The following ATP6V1H variants were observed in gnomAD, a reference collection of about 807,000 sequenced individuals.
ATP6V1H encodes ATPase H+ transporting V1 subunit H.
ATP6V1H carries 39 observed loss-of-function variants against 71.7 expected under a neutral mutation model. That is an observed-to-expected ratio of 0.54 (90% CI 0.42 to 0.71). The LOEUF (loss-of-function observed/expected upper bound fraction) is 0.71. ATP6V1H is among the 30% of genes least tolerant of loss of function. The pLI is 0.00. For missense variants in ATP6V1H, 509 were observed against 594.9 expected (o/e 0.86, Z 1.50); for synonymous variants, 192 against 199.3 (o/e 0.96, Z 0.31).
At chr8:53,828,560 T>G (rs796292479) in intron 4 of ATP6V1H, among the ~76,000 whole-genome samples, 1 of 152,144 alleles carries the variant, frequency 6.6e-6, no homozygotes, top group African/African-American at 2.4e-5. Flanking sequence ...CTGTTTTACA[T>G]GAAAAAGTGC....
chr8:53,831,506 G>A (rs531720615), intron 3 of ATP6V1H, among the ~76,000 whole-genome samples: 1 of 152,290 alleles, frequency 6.6e-6, no homozygotes, highest in African/African-American at 2.4e-5. Flanking sequence ...AATCGATATG[G>A]ATACAAAAGG....
intron 11 of ATP6V1H, among the ~76,000 whole-genome samples, chr8:53,765,365 A>G (rs1808414066): frequency 6.8e-6 from 1 of 146,508 alleles, no homozygotes; most frequent in Non-Finnish European, 1.5e-5. Context: ...GCGCTATTGC[A>G]CTCCAGCCTG....
chr8:53,749,412 T>A (rs762601022), intron 12 of ATP6V1H, among the ~76,000 whole-genome samples: 3 of 152,130 alleles, frequency 2.0e-5, no homozygotes, highest in Non-Finnish European at 4.4e-5. Flanking sequence ...ACCATCAAAA[T>A]CAAGTAGTTC....
At chr8:53,784,648 T>C (rs1457154356) in intron 9 of ATP6V1H, among the ~76,000 whole-genome samples, 2 of 152,232 alleles carry the variant, frequency 1.3e-5, no homozygotes, top group Non-Finnish European at 2.9e-5. Flanking sequence ...GTCTTTACAA[T>C]TTGGCATGTT....
At chr8:53,722,357 TA>T (rs1806652703) in intron 13 of ATP6V1H, among the ~76,000 whole-genome samples, 1 of 152,230 alleles carries the variant, frequency 6.6e-6, no homozygotes, top group South Asian at 2.1e-4. Flanking sequence ...CAAGTGGTTA[TA>T]ATCAAAAGCA....
rs182811767 is a variant in ATP6V1H at position 53,820,642 on chromosome 8, A to G, written c.307-3112T>C. On this transcript the variant is annotated intron_variant, in intron 4 of 13. Transcript: ENST00000359530. ...TAATGGCGCCATTGCATTCCAGCCT[A>G]GGTGACAGAGTGAGATTTTATCTCA... 2.2e-3 allele frequency among the ~76,000 whole-genome samples: 327 copies of G among 149,488 alleles called. 2 individuals carry two copies. The highest frequency in any genetic ancestry group is 7.6e-3 in the African/African-American group (311 of 40,808).
At chr8:53,834,726 AAT>A (rs1451768583) in intron 2 of ATP6V1H, among the ~76,000 whole-genome samples, 2 of 149,632 alleles carry the variant, frequency 1.3e-5, no homozygotes, top group Non-Finnish European at 3.0e-5. Flanking sequence ...GCCTGGCCCC[AAT>A]ATAGTTTTTA....
chr8:53,764,225 G>A (rs1341332908), intron 11 of ATP6V1H, among the ~76,000 whole-genome samples: 1 of 152,090 alleles, frequency 6.6e-6, no homozygotes, highest in Non-Finnish European at 1.5e-5. Context: ...AACATCACAA[G>A]AAAGGAAATT....
chr8:53,803,969 T>G (rs1208946256), intron 7 of ATP6V1H, among the ~76,000 whole-genome samples: 1 of 152,220 alleles, frequency 6.6e-6, no homozygotes, highest in Non-Finnish European at 1.5e-5. Flanking sequence ...TCAGGGTAAG[T>G]GTTTCTTTTC....
At chr8:53,744,336 T>C (rs1054336955) in intron 12 of ATP6V1H, among the ~76,000 whole-genome samples, 2 of 151,756 alleles carry the variant, frequency 1.3e-5, no homozygotes, top group African/African-American at 2.4e-5. Flanking sequence ...ACTTCCGACA[T>C]CCTGAAAATC....
At chr8:53,823,645 T>G (rs574768872) in intron 4 of ATP6V1H, among the ~76,000 whole-genome samples, 1 of 152,236 alleles carries the variant, frequency 6.6e-6, no homozygotes, top group African/African-American at 2.4e-5. Context: ...CCTGGCTAAT[T>G]TTTTATTTTC....
intron 11 of ATP6V1H, among the ~76,000 whole-genome samples, chr8:53,766,372 T>C (rs1011406373): frequency 1.4e-4 from 22 of 152,232 alleles, no homozygotes; most frequent in African/African-American, 5.3e-4. Context: ...ATCCTGTCAG[T>C]TGAGGAGGAT....
intron 13 of ATP6V1H, among the ~76,000 whole-genome samples, chr8:53,740,939 A>G: frequency 6.6e-6 from 1 of 152,208 alleles, no homozygotes; most frequent in East Asian, 1.9e-4. Context: ...GTGAATTTTA[A>G]TCTTCCTTCA....
In ATP6V1H at chr8:53,784,538, T is replaced by C. The variant is rs562926849; in HGVS notation, c.870+11109A>G. ...AATTGGAGCATTTAGCCCATTTACA[T>C]TGAAGGTTAATATTGTTATGTGTGA... On this transcript the variant is annotated intron_variant, in intron 9 of 13. Coordinates refer to ENST00000359530, the MANE Select transcript of ATP6V1H (RefSeq NM_015941.4). Among the ~76,000 whole-genome samples the C allele has an allele frequency of 3.9e-5, 6 of 152,324 alleles. 1 individual carries two copies. In the South Asian group the frequency reaches 1.0e-3, roughly 26 times the overall value.
chr8:53,841,569 G>A lies in ATP6V1H; in HGVS notation c.113+9C>T, dbSNP rs1303430392. 2 of 1,613,462 alleles carry A rather than the reference G, an allele frequency of 1.2e-6. No individual in the cohort carries two copies. The highest frequency in any genetic ancestry group is 1.7e-6 in the Non-Finnish European group (2 of 1,179,620). On this transcript the variant is annotated intron_variant, in intron 2 of 13. Transcript: ENST00000359530. ...GACTGTCCATGATTCACAGCAAATT[G>A]GTACTTACTGAAGATAGGATTGCCA...
intron 9 of ATP6V1H, among the ~76,000 whole-genome samples, chr8:53,785,300 G>A (rs542068648): frequency 7.2e-5 from 11 of 151,808 alleles, no homozygotes; most frequent in East Asian, 5.8e-4. Context: ...ATCTTCCATC[G>A]CTGATACCCT....
At chr8:53,784,690 G>C (rs9643821) in intron 9 of ATP6V1H, among the ~76,000 whole-genome samples, 129,261 of 152,148 alleles carry the variant, frequency 0.85, 55,387 homozygotes, top group African/African-American at 0.96. Context: ...TGTTCCTTTC[G>C]ATGTTTAGTG....
At chr8:53,812,775 C>T (rs1429916612) in intron 6 of ATP6V1H, among the ~76,000 whole-genome samples, 2 of 152,186 alleles carry the variant, frequency 1.3e-5, no homozygotes, top group African/African-American at 4.8e-5. Context: ...CTCACTACAG[C>T]CTCAACCTCC....
chr8:53,830,898 T>C (rs532474810), intron 3 of ATP6V1H, among the ~76,000 whole-genome samples: 1 of 152,138 alleles, frequency 6.6e-6, no homozygotes, highest in African/African-American at 2.4e-5. Context: ...CCATTGCACA[T>C]GCGGTTGGGG....
Sources: gnomAD v4.1 joint callset for allele counts (sites outside exome capture counted in the v4.1 genomes callset) on GRCh38, gnomAD v4.1.1 for gene constraint, MANE v1.5 for transcripts, NCBI Gene and HGNC (gene_info 2026-07-23, HGNC 2026-07-21) for gene names.